FHIT: variants seen among roughly 807,000 people sequenced by gnomAD.
FHIT encodes the protein fragile histidine triad diadenosine triphosphatase.
A neutral mutation model predicts 17.9 loss-of-function variants in FHIT; 19 were observed. That is an observed-to-expected ratio of 1.06 (90% CI 0.74 to 1.56). The LOEUF is 1.56. Among genes scored for constraint, FHIT ranks in the 40% most tolerant of loss-of-function variants. The pLI is 0.00. For synonymous variants in FHIT, 81 were observed against 69.7 expected, an observed-to-expected ratio of 1.16 and a Z score of -0.81; for missense variants, 248 against 189.2, an observed-to-expected ratio of 1.31 and a Z score of -1.82.
intron 5 of FHIT, among the ~76,000 whole-genome samples, chr3:60,226,575 A>T (rs1258685507): frequency 6.6e-6 from 1 of 151,768 alleles, no homozygotes; most frequent in African/African-American, 2.4e-5. Flanking sequence ...GCACACAATG[A>T]TTGCAGGATT....
intron 4 of FHIT, among the ~76,000 whole-genome samples, chr3:60,568,838 G>C (rs2037236376): frequency 6.6e-6 from 1 of 152,110 alleles, no homozygotes; most frequent in Admixed American, 6.6e-5. Context: ...TAGAAGGTAT[G>C]AAGAGGTCAG....
At chr3:59,954,540 A>G (rs759280565) in intron 7 of FHIT, among the ~76,000 whole-genome samples, 4 of 152,166 alleles carry the variant, frequency 2.6e-5, no homozygotes, top group Non-Finnish European at 5.9e-5. Flanking sequence ...CTCTCCTGGG[A>G]AAATCTGCAA....
intron 5 of FHIT, among the ~76,000 whole-genome samples, chr3:60,492,657 C>A (rs913245512): frequency 2.0e-5 from 3 of 152,000 alleles, no homozygotes; most frequent in African/African-American, 7.3e-5. Context: ...CAGGCGCCCA[C>A]CATCATGCCT....
At chr3:60,127,958 A>G (rs1705634338) in intron 5 of FHIT, among the ~76,000 whole-genome samples, 1 of 152,182 alleles carries the variant, frequency 6.6e-6, no homozygotes, top group South Asian at 2.1e-4. Flanking sequence ...AGCCTTAGTA[A>G]GTTACACAAA....
chr3:60,094,878 G>A (rs1009353648), intron 5 of FHIT, among the ~76,000 whole-genome samples: 2 of 152,038 alleles, frequency 1.3e-5, no homozygotes, highest in Admixed American at 6.6e-5. Flanking sequence ...GCAAAAGGAA[G>A]CACCCAAGCG....
intron 2 of FHIT, among the ~76,000 whole-genome samples, chr3:61,056,410 A>C (rs762742708): frequency 3.3e-5 from 5 of 152,238 alleles, no homozygotes; most frequent in Non-Finnish European, 7.3e-5. Context: ...ACCTAAGTCC[A>C]TTCTCAATGC....
chr3:60,965,366 A>T (rs1297293118), intron 3 of FHIT, among the ~76,000 whole-genome samples: 3 of 152,124 alleles, frequency 2.0e-5, no homozygotes, highest in Admixed American at 6.5e-5. Flanking sequence ...CTTCTTTGCG[A>T]TGGGTTCGAA....
intron 3 of FHIT, among the ~76,000 whole-genome samples, chr3:60,926,546 C>T (rs1478348517): frequency 6.6e-5 from 10 of 152,192 alleles, no homozygotes; most frequent in Admixed American, 6.5e-4. Context: ...CTGTGGGACA[C>T]ATTCAAAGCA....
chr3:60,069,537 C>T (rs897118646), intron 5 of FHIT, among the ~76,000 whole-genome samples: 12 of 152,276 alleles, frequency 7.9e-5, no homozygotes, highest in African/African-American at 2.6e-4. Context: ...GCTTGTATAG[C>T]GCTTTTGTCC....
chr3:59,971,500 C>CT (rs11400200), intron 7 of FHIT, among the ~76,000 whole-genome samples: 71,552 of 151,836 alleles, frequency 0.47, 19,661 homozygotes, highest in South Asian at 0.63. Flanking sequence ...CATAAACTCT[C>CT]TTTTTTTGCT....
In FHIT at chr3:60,915,532, A is replaced by G. The variant is rs902956916; in HGVS notation, c.-110-93521T>C. On this transcript the variant is annotated intron_variant, in intron 3 of 9. Coordinates refer to ENST00000492590, the MANE Select transcript of FHIT (RefSeq NM_002012.4). ...GTGGATTTGAATGATTTTGCCATTTATTCGAACAGATAGCTGTCCTGGACA... is the reference window on the plus strand; with the variant it reads ...GTGGATTTGAATGATTTTGCCATTTGTTCGAACAGATAGCTGTCCTGGACA... Among the ~76,000 whole-genome samples, 44 of 152,316 alleles carry G rather than the reference A, an allele frequency of 2.9e-4. 1 individual carries two copies. The highest frequency in any genetic ancestry group is 2.5e-4 in the Non-Finnish European group (17 of 68,012).
chr3:60,377,346 A>G (rs1218532892), intron 5 of FHIT, among the ~76,000 whole-genome samples: 1 of 150,842 alleles, frequency 6.6e-6, no homozygotes, highest in Non-Finnish European at 1.5e-5. Flanking sequence ...TTTAGTAGAG[A>G]CGGGGTTTCA....
intron 1 of FHIT, among the ~76,000 whole-genome samples, chr3:61,207,215 G>T (rs1435036088): frequency 3.3e-5 from 5 of 152,118 alleles, no homozygotes; most frequent in African/African-American, 1.2e-4. Flanking sequence ...GCTGGATTCG[G>T]TTTGCCAGTA....
chr3:61,028,157 C>T (rs2032830782), intron 3 of FHIT, among the ~76,000 whole-genome samples: 1 of 152,132 alleles, frequency 6.6e-6, no homozygotes. Flanking sequence ...AATTCCTATC[C>T]TGCACAATGA....
At chr3:60,412,050 T>A (rs1352413965) in intron 5 of FHIT, among the ~76,000 whole-genome samples, 2 of 152,108 alleles carry the variant, frequency 1.3e-5, no homozygotes, top group Non-Finnish European at 2.9e-5. Flanking sequence ...TCAGAGAAGA[T>A]AATACACCTG....
chr3:60,965,373 C>T (rs1025232113), intron 3 of FHIT, among the ~76,000 whole-genome samples: 3 of 152,128 alleles, frequency 2.0e-5, no homozygotes, highest in Non-Finnish European at 4.4e-5. Flanking sequence ...GCGATGGGTT[C>T]GAACATCCTC....
chr3:60,418,421 TATATAC>T (rs1454214295), intron 5 of FHIT, among the ~76,000 whole-genome samples: 8,259 of 39,562 alleles, frequency 0.21, 1,050 homozygotes, highest in Non-Finnish European at 0.29. Context: ...TATATATATA[TATATAC>T]GTGTATACAC....
intron 5 of FHIT, among the ~76,000 whole-genome samples, chr3:60,153,364 GAAAAAAAAAAAA>G (rs71089587): frequency 9.3e-4 from 99 of 106,508 alleles, no homozygotes; most frequent in African/African-American, 3.4e-3. Context: ...CAATTCACCA[GAAAAAAAAAAAA>G]AAAAAAAAAA....
chr3:60,587,978 A>C (rs1553662736), intron 4 of FHIT, among the ~76,000 whole-genome samples: 1 of 149,588 alleles, frequency 6.7e-6, no homozygotes, highest in African/African-American at 2.5e-5. Context: ...CCCTTCCACC[A>C]CTCTTCTGTC....
Sources: gnomAD v4.1 joint callset for allele counts (sites outside exome capture counted in the v4.1 genomes callset) on GRCh38, gnomAD v4.1.1 for gene constraint, MANE v1.5 for transcripts, NCBI Gene and HGNC (gene_info 2026-07-23, HGNC 2026-07-21) for gene names.